The following FIG4 variants were observed in gnomAD, a reference collection of about 807,000 sequenced individuals.
FIG4 encodes the protein FIG4 phosphoinositide 5-phosphatase, also known as polyphosphoinositide phosphatase.
Under a neutral mutation model 118.6 loss-of-function variants are expected in FIG4, and 112 were observed. That is an observed-to-expected ratio of 0.94 (90% CI 0.81 to 1.11). The LOEUF (loss-of-function observed/expected upper bound fraction) is 1.11, where lower values mean the gene tolerates loss of function less well. Among genes scored for constraint, FIG4 ranks in the 50% least tolerant of loss-of-function variants. The pLI is 0.00. For synonymous variants in FIG4, 369 were observed against 381.2 expected, an observed-to-expected ratio of 0.97 and a Z score of 0.37; for missense variants, 969 against 1,111.7, an observed-to-expected ratio of 0.87 and a Z score of 1.83.
chr6:109,704,509 A>G (rs1488230910), intron 1 of FIG4, among the ~76,000 whole-genome samples: 2 of 152,006 alleles, frequency 1.3e-5, no homozygotes, highest in Non-Finnish European at 2.9e-5. Context: ...TACAACAACA[A>G]CAAAAAAAAT....
chr6:109,778,889 G>A lies in FIG4; in HGVS notation c.1889+1829G>A, dbSNP rs193091871. 3.2e-4 allele frequency among the ~76,000 whole-genome samples: 48 copies of A among 152,240 alleles called. No homozygotes were observed. In the Middle Eastern group the frequency reaches 0.01, roughly 32 times the overall value. ...GCTGGGATTACAGGCGTGAGCCACCGCGCCCGGCTTCTTGCAGCTGTTATT... is the reference window on the plus strand; with the variant it reads ...GCTGGGATTACAGGCGTGAGCCACCACGCCCGGCTTCTTGCAGCTGTTATT... On this transcript the variant is annotated intron_variant, in intron 16 of 22. Coordinates refer to ENST00000230124, the MANE Select transcript of FIG4 (RefSeq NM_014845.6).
intron 22 of FIG4, among the ~76,000 whole-genome samples, chr6:109,822,242 G>A (rs1779025455): frequency 3.3e-5 from 5 of 152,066 alleles, no homozygotes; most frequent in Admixed American, 3.3e-4. Flanking sequence ...TGGGGTTGGG[G>A]CACCTGGAAG....
chr6:109,722,344 G>A (rs566866357), intron 3 of FIG4, among the ~76,000 whole-genome samples: 2 of 151,938 alleles, frequency 1.3e-5, no homozygotes, highest in East Asian at 1.9e-4. Context: ...GATTCTTGAG[G>A]CATCTTTCCA....
chr6:109,730,526 A>C (rs967665986), intron 4 of FIG4, among the ~76,000 whole-genome samples: 1 of 152,236 alleles, frequency 6.6e-6, no homozygotes, highest in Admixed American at 6.5e-5. Context: ...ATAATAATTA[A>C]GATAATCAGG....
At chr6:109,818,662 G>A (rs957304674) in intron 22 of FIG4, among the ~76,000 whole-genome samples, 10 of 152,126 alleles carry the variant, frequency 6.6e-5, no homozygotes, top group African/African-American at 1.4e-4. Context: ...AGTTTCCAGC[G>A]TCCATTGGGG....
intron 1 of FIG4, among the ~76,000 whole-genome samples, chr6:109,704,302 A>C (rs898428587): frequency 6.6e-6 from 1 of 152,146 alleles, no homozygotes; most frequent in Admixed American, 6.5e-5. Flanking sequence ...TGAGGCATTT[A>C]CTAGTCAGTG....
intron 15 of FIG4, among the ~76,000 whole-genome samples, chr6:109,770,599 C>T (rs954715526): frequency 2.0e-5 from 3 of 151,986 alleles, no homozygotes; most frequent in Admixed American, 6.6e-5. Flanking sequence ...CAGGAAACAT[C>T]GTGCCATTAT....
At chr6:109,772,645 G>T (rs58068940) in intron 15 of FIG4, among the ~76,000 whole-genome samples, 44,432 of 151,740 alleles carry the variant, frequency 0.29, 7,115 homozygotes, top group Non-Finnish European at 0.37. Flanking sequence ...TAGAGACAGG[G>T]TTTCTCCATG....
intron 22 of FIG4, among the ~76,000 whole-genome samples, chr6:109,822,290 A>G (rs891033938): frequency 3.3e-5 from 5 of 152,012 alleles, no homozygotes; most frequent in African/African-American, 1.2e-4. Context: ...CTGTTTGTTT[A>G]CCTGGGTGAT....
chr6:109,743,191 T>G lies in FIG4; in HGVS notation c.958T>G (p.Ser320Ala). Reference sequence around the variant, plus strand: ...GTCTTTCACTGCAGGAAGTTATTCTTCATATGTACAAGTTAGAGGATCTGT... The same window carrying G: ...GTCTTTCACTGCAGGAAGTTATTCTGCATATGTACAAGTTAGAGGATCTGT... Reference protein sequence around the residue: ...VMSFTAGSYSSYVQVRGSVPL... With the variant: ...VMSFTAGSYSAYVQVRGSVPL... The change falls in exon 9 of 23, where the codon TCA becomes GCA. Residue 320 changes from serine (S) to alanine (A), a missense_variant. By Grantham distance (99) the Ser-to-Ala change is moderately conservative. Around this residue, in one of 3 missense-constraint regions of FIG4, gnomAD observed 393 missense variants for 409.4 expected, o/e 0.96. Transcript: ENST00000230124. 1 of 1,613,026 alleles carries G rather than the reference T, an allele frequency of 6.2e-7. No homozygotes were observed. The highest frequency in any genetic ancestry group is 8.5e-7 in the Non-Finnish European group (1 of 1,179,246).
chr6:109,718,283 C>T (rs534515649), intron 3 of FIG4, among the ~76,000 whole-genome samples: 1 of 152,288 alleles, frequency 6.6e-6, no homozygotes, highest in East Asian at 1.9e-4. Context: ...ACCCAGGCAC[C>T]TCCCACCAGG....
At chr6:109,756,955 C>T (rs1330677155) in intron 10 of FIG4, among the ~76,000 whole-genome samples, 2 of 152,200 alleles carry the variant, frequency 1.3e-5, no homozygotes, top group Non-Finnish European at 2.9e-5. Context: ...CATTCTCCGT[C>T]CAGCTTTGTT....
intron 6 of FIG4, among the ~76,000 whole-genome samples, 165 bp downstream of exon 6, chr6:109,735,463 G>C (rs1335373022): frequency 6.6e-6 from 1 of 152,046 alleles, no homozygotes; most frequent in Non-Finnish European, 1.5e-5. Flanking sequence ...TTTTTATAGA[G>C]ATATTAATCA....
At chr6:109,758,034 C>G (rs1484383677) in intron 10 of FIG4, among the ~76,000 whole-genome samples, 1 of 152,140 alleles carries the variant, frequency 6.6e-6, no homozygotes, top group Non-Finnish European at 1.5e-5. Context: ...GGCCATACTG[C>G]CCAAAGTAAT....
At chr6:109,707,313 G>GTA (rs957271367) in intron 1 of FIG4, among the ~76,000 whole-genome samples, 16 of 145,656 alleles carry the variant, frequency 1.1e-4, no homozygotes, top group South Asian at 2.1e-4. Context: ...GTGTGTATGT[G>GTA]TATATATATA....
At chr6:109,820,041 T>A (rs1778963028) in intron 22 of FIG4, among the ~76,000 whole-genome samples, 1 of 152,136 alleles carries the variant, frequency 6.6e-6, no homozygotes, top group South Asian at 2.1e-4. Context: ...TGCACAAGGC[T>A]ATGGGAACAG....
rs543703374 is a variant in FIG4, at chr6:109,756,404, A to G, written c.1138-3846A>G. Among the ~76,000 whole-genome samples the G allele has an allele frequency of 4.3e-3, 660 of 151,836 alleles. 5 individuals are homozygous for G. The highest frequency in any genetic ancestry group is 4.1e-3 in the Non-Finnish European group (275 of 67,774). ...TCATTTCAACTTTGGTGAATCTGAC[A>G]ATTATGTGTCTTGGAGTTGCTCTTC... On this transcript the variant is annotated intron_variant, in intron 10 of 22. Transcript: ENST00000230124.
intron 1 of FIG4, among the ~76,000 whole-genome samples, chr6:109,706,755 T>C (rs2128379349): frequency 6.6e-6 from 1 of 152,372 alleles, no homozygotes; most frequent in South Asian, 2.1e-4. Flanking sequence ...TTCTTGTGCC[T>C]GTAACAAACA....
intron 22 of FIG4, among the ~76,000 whole-genome samples, chr6:109,821,972 C>T (rs999197159): frequency 7.2e-5 from 11 of 151,940 alleles, no homozygotes; most frequent in African/African-American, 2.7e-4. Context: ...CCCAGGAGTT[C>T]GAGGTTGCAG....
Sources: allele counts gnomAD v4.1 joint callset (sites outside exome capture counted in the v4.1 genomes callset), GRCh38; gene constraint gnomAD v4.1.1; regional missense constraint gnomAD v4.1.1; transcripts MANE v1.5; gene names NCBI Gene and HGNC (gene_info 2026-07-23, HGNC 2026-07-21).